The following SEC14L1 variants were observed in gnomAD, a reference collection of about 807,000 sequenced individuals.
SEC14L1 encodes SEC14-like protein 1.
A neutral mutation model predicts 85.3 loss-of-function variants in SEC14L1; 48 were observed. The observed-to-expected ratio is 0.56, with a 90% CI of 0.45 to 0.72. The LOEUF (loss-of-function observed/expected upper bound fraction) is 0.72. SEC14L1 is among the 30% of genes least tolerant of loss of function. The probability of loss-of-function intolerance (pLI) is 0.00; values close to 1 mark genes in which losing one functional copy is unlikely to be tolerated. For missense variants in SEC14L1, 682 were observed against 921.4 expected (o/e 0.74, Z 3.36); for synonymous variants, 391 against 355.5 (o/e 1.10, Z -1.12).
chr17:77,136,940 G>A (rs1288671174), upstream of SEC14L1, among the ~76,000 whole-genome samples: 1 of 146,686 alleles, frequency 6.8e-6, no homozygotes, highest in African/African-American at 2.5e-5. Context: ...ACAGAGTTTC[G>A]CTCTTGTTGC....
intron 10 of SEC14L1, among the ~76,000 whole-genome samples, chr17:77,205,002 G>A (rs974397386): frequency 6.6e-6 from 1 of 152,170 alleles, no homozygotes; most frequent in Admixed American, 6.5e-5. Context: ...CCAGAGCCAG[G>A]CCCCTGCTCA....
chr17:77,100,428 CTTTTT>C lies in SEC14L1; in HGVS notation c.-136+7103_-136+7107del, dbSNP rs1188386603. Among the ~76,000 whole-genome samples the C allele has an allele frequency of 8.2e-4, 21 of 25,580 alleles. No individual in the cohort carries two copies. The East Asian group carries it at 9.2e-3, about 11-fold the overall frequency. 16.8% of individuals were successfully genotyped at this position (25,580 alleles called of 152,430 possible). ...TTTTCTTTTCTTTCTCTCTCTCTCT[CTTTTT>C]TTTTTTTTTTTTTTTTTTTTTGAGA... is the stretch of plus-strand genomic sequence containing the variant. On this transcript the variant is annotated intron_variant, in intron 3 of 19. Coordinates refer to the SEC14L1 transcript ENST00000392476.
Position 77,194,696 on chromosome 17 carries a change from A to G in SEC14L1, c.494A>G (p.Tyr165Cys). 6.2e-7 allele frequency: 1 copy of G among 1,614,042 alleles called. No individual in the cohort carries two copies. Among genetic ancestry groups the G allele is most frequent in the Non-Finnish European group, 8.5e-7 (1 of 1,179,850 alleles). Residue 165 changes from tyrosine (Y) to cysteine (C), a missense_variant, in exon 7 of 17, where the codon TAC (tyrosine) becomes TGC (cysteine). Around this residue, in one of 3 missense-constraint regions of SEC14L1, gnomAD observed 123 missense variants for 100.6 expected, o/e 1.22. Coordinates refer to ENST00000436233, the MANE Select transcript of SEC14L1 (RefSeq NM_001143998.2). ...NIKKGKEIIE[Y>C]YLRQLEEEGI... ...TTAAAGGGAAAGGAAATCATCGAAT[A>G]CTACCTTCGCCAATTAGAAGAAGAA...
At chr17:77,149,457 G>C (rs1022022353) in intron 3 of SEC14L1, among the ~76,000 whole-genome samples, 31 of 152,138 alleles carry the variant, frequency 2.0e-4, no homozygotes, top group Non-Finnish European at 2.5e-4. Context: ...AACTTGGGAG[G>C]GTGAGTTGGG....
intron 2 of SEC14L1, chr17:77,089,972 TCA>T (rs56206682): frequency 7.5e-6 from 1 of 133,628 alleles, no homozygotes; most frequent in Non-Finnish European, 1.6e-5. Flanking sequence ...GGAGCCGAGA[TCA>T]CACACACCAC....
At chr17:77,176,358 C>T (rs1158428218) in intron 3 of SEC14L1, among the ~76,000 whole-genome samples, 2 of 151,910 alleles carry the variant, frequency 1.3e-5, no homozygotes, top group African/African-American at 2.4e-5. Flanking sequence ...ACGGATCAAT[C>T]AGAGGAAACT....
In SEC14L1 at chr17:77,213,949, A is replaced by G; in HGVS notation, c.2074A>G (p.Ser692Gly). The G allele has an allele frequency of 1.2e-6, 2 of 1,613,602 alleles. No individual in the cohort carries two copies. The highest frequency in any genetic ancestry group is 8.5e-7 in the Non-Finnish European group (1 of 1,179,936). Residue 692 changes from serine (S) to glycine (G), a missense_variant, in exon 17 of 17, where the codon AGC becomes GGC. By Grantham distance (56) the Ser-to-Gly change is moderately conservative. Around this residue, in one of 3 missense-constraint regions of SEC14L1, gnomAD observed 420 missense variants for 619.5 expected, o/e 0.68. Coordinates refer to ENST00000436233, the MANE Select transcript of SEC14L1 (RefSeq NM_001143998.2). The surrounding 1 kb of genome is among the most constrained non-coding windows in gnomAD (Gnocchi z 7.1). ...CATGACGAGCCTGGAGTCCAGCCAC[A>G]GCGGCTTCTCCCAGCTGAGTGCCGC... Reference protein sequence around the residue: ...GSMTSLESSHSGFSQLSAATT... With the variant: ...GSMTSLESSHGGFSQLSAATT...
chr17:77,089,767 GC>G (rs1971461329), intron 2 of SEC14L1: 1 of 219,820 alleles, frequency 4.5e-6, no homozygotes, highest in Non-Finnish European at 9.2e-6. Flanking sequence ...TGTAATCCCA[GC>G]ACTTTGGGAG....
At chr17:77,118,007 A>T (rs889203997) in intron 3 of SEC14L1, among the ~76,000 whole-genome samples, 2 of 152,238 alleles carry the variant, frequency 1.3e-5, no homozygotes, top group Non-Finnish European at 2.9e-5. Flanking sequence ...GCAAAGCTTC[A>T]TCTAATCTCA....
chr17:77,088,696 C>T (rs1274153188), upstream of SEC14L1: 1 of 152,222 alleles, frequency 6.6e-6, no homozygotes, highest in African/African-American at 2.4e-5. Flanking sequence ...AGTGGAGACA[C>T]GTGCTTTGGC....
At position 77,216,507 on chromosome 17, in the gene SEC14L1, A is replaced by T. The variant is rs1202229430; in HGVS notation, c.*2484A>T. On this transcript the variant is annotated 3_prime_UTR_variant, in exon 17 of 17. Transcript: ENST00000436233. The stretch of plus-strand genomic sequence containing the variant: ...CCTGTTCCCAAATCACAAGGGCCTG[A>T]AGGTGGTCCCTGCTTTCTCTTTCTC... 6.2e-7 allele frequency: 1 copy of T among 1,613,066 alleles called. No homozygotes were observed. Among genetic ancestry groups the T allele is most frequent in the African/African-American group, 1.3e-5 (1 of 74,854 alleles).
intron 15 of SEC14L1, among the ~76,000 whole-genome samples, chr17:77,212,933 C>G (rs567968876): frequency 1.3e-5 from 2 of 152,330 alleles, no homozygotes; most frequent in African/African-American, 4.8e-5. Context: ...CCCGAACATG[C>G]TGGATGATTG....
intron 3 of SEC14L1, among the ~76,000 whole-genome samples, chr17:77,159,939 T>C (rs1300335719): frequency 3.3e-5 from 5 of 152,226 alleles, no homozygotes; most frequent in African/African-American, 1.2e-4. Flanking sequence ...GAGAATTCTG[T>C]AGATGACCCT....
In SEC14L1 at chr17:77,205,344, C is replaced by T; in HGVS notation, c.1167C>T (p.Ile389=). Residue 389 remains isoleucine (I), a splice_region_variant and synonymous_variant, in exon 11 of 17, where the codon ATC becomes ATT. Transcript: ENST00000436233. ...ATACAAAAGTCTTTGGTCGGCCTAT[C>T]AGGTAGATGTGGGATTTTGTTTTTC... ...EENTKVFGRP[I]SSWTCLVDLE... 6.2e-7 allele frequency: 1 copy of T among 1,613,540 alleles called. No homozygotes were observed. Among genetic ancestry groups the T allele is most frequent in the Admixed American group, 1.7e-5 (1 of 60,026 alleles).
intron 3 of SEC14L1, among the ~76,000 whole-genome samples, chr17:77,173,905 C>CTT (rs531473521): frequency 2.1e-5 from 3 of 141,938 alleles, no homozygotes; most frequent in Admixed American, 1.4e-4. Context: ...TTCTTTTTTT[C>CTT]TTTTTTTTTT....
chr17:77,135,699 G>A (rs1166018307), intron 3 of SEC14L1, among the ~76,000 whole-genome samples: 2 of 151,908 alleles, frequency 1.3e-5, no homozygotes, highest in Non-Finnish European at 2.9e-5. Context: ...ACCATGCCTG[G>A]CTAATTTTTT....
chr17:77,140,670 G>GCCCCGC (rs149876387), upstream of SEC14L1: 7,424 of 152,008 alleles, frequency 0.049, 221 homozygotes, highest in Non-Finnish European at 0.072. Flanking sequence ...GCCCAGCCCG[G>GCCCCGC]CCCCGCCCCC....
At chr17:77,136,322 T>G (rs1450827460), upstream of SEC14L1, among the ~76,000 whole-genome samples, 1 of 143,306 alleles carries the variant, frequency 7.0e-6, no homozygotes, top group Admixed American at 7.0e-5. Context: ...CTGCCCTCCC[T>G]CTCCCCTTCC....
chr17:77,196,057 G>T, intron 7 of SEC14L1, 145 bp from the exon 8 acceptor site: 1 of 626,000 alleles, frequency 1.6e-6, no homozygotes. Context: ...AGTCCTCTAA[G>T]GAATCTGGTT....
Sources: allele counts gnomAD v4.1 joint callset (sites outside exome capture counted in the v4.1 genomes callset), GRCh38; gene constraint gnomAD v4.1.1; regional missense constraint gnomAD v4.1.1; non-coding constraint Gnocchi (gnomAD v3.1); transcripts MANE v1.5; gene names NCBI Gene and HGNC (gene_info 2026-07-23, HGNC 2026-07-21).